Variants in OLFM4 observed in about 807,000 individuals in gnomAD.
OLFM4 encodes olfactomedin-4.
A neutral mutation model predicts 25.5 loss-of-function variants in OLFM4; 22 were observed. The observed-to-expected ratio is 0.86, with a 90% CI of 0.62 to 1.23. The LOEUF is 1.23. OLFM4 is among the 50% of genes most tolerant of loss of function. OLFM4 has a pLI of 0.00. For missense variants in OLFM4, 594 were observed against 619.4 expected (o/e 0.96, Z 0.44); for synonymous variants, 255 against 237.7 (o/e 1.07, Z -0.67).
Position 53,031,753 on chromosome 13 carries a change from TA to T in OLFM4, c.205-2592del, listed in dbSNP as rs57549452. On this transcript the variant is annotated intron_variant, in intron 1 of 4. Transcript: ENST00000219022. ...GAACCTGGCATAGTGTAGACATCAG[TA>T]AATGTTAATTGAACACGTGCTTAGG... Among the ~76,000 whole-genome samples the T allele has an allele frequency of 3.6e-3, 547 of 152,284 alleles. 1 individual carries two copies. The highest frequency in any genetic ancestry group is 0.012 in the African/African-American group (499 of 41,554).
At chr13:53,043,383 T>TG in intron 4 of OLFM4, 119 bp downstream of exon 4, 1 of 825,136 alleles carries the variant, frequency 1.2e-6, no homozygotes, top group Non-Finnish European at 1.7e-6. Flanking sequence ...TTTTTTTTTT[T>TG]TTTTTTCAGT....
intron 1 of OLFM4, 99 bp downstream of exon 1, chr13:53,029,139 C>T (rs1393939018): frequency 6.6e-7 from 1 of 1,522,256 alleles, no homozygotes; most frequent in Non-Finnish European, 8.8e-7. Flanking sequence ...CCTGGGCACT[C>T]TAAAAGATTT....
chr13:53,031,010 T>C (rs1355479553), intron 1 of OLFM4, among the ~76,000 whole-genome samples: 1 of 152,196 alleles, frequency 6.6e-6, no homozygotes, highest in Non-Finnish European at 1.5e-5. Flanking sequence ...AACCAGCATT[T>C]GGGTAAGATT....
chr13:53,035,898 A>G (rs1362107824), intron 2 of OLFM4, among the ~76,000 whole-genome samples: 1 of 152,222 alleles, frequency 6.6e-6, no homozygotes, highest in Non-Finnish European at 1.5e-5. Flanking sequence ...TTAAAAATCA[A>G]TTAGAAAAGT....
rs1954738278 is a variant in OLFM4 at position 53,050,123 on chromosome 13, A to G, written c.885A>G (p.Thr295=). Residue 295 remains threonine (T), a synonymous_variant, in exon 5 of 5, where the codon ACA becomes ACG. Coordinates refer to ENST00000219022, the MANE Select transcript of OLFM4 (RefSeq NM_006418.5). ...TGTATTGGGTGGCGCCATTGAATAC[A>G]GATGGGAGACTGTTGGAGTATTATA... The part of the protein sequence containing the change: ...KGLYWVAPLN[T]DGRLLEYYRL... 3.7e-6 allele frequency: 6 copies of G among 1,613,942 alleles called. No homozygotes were observed. Among genetic ancestry groups the G allele is most frequent in the Non-Finnish European group, 5.1e-6 (6 of 1,179,962 alleles).
chr13:53,035,030 G>T (rs1298270846), intron 2 of OLFM4, among the ~76,000 whole-genome samples: 1 of 149,754 alleles, frequency 6.7e-6, no homozygotes, highest in Non-Finnish European at 1.5e-5. Context: ...TCCTTTCCTG[G>T]TTAATTCTTT....
At chr13:53,040,668 A>G (rs1954682268) in intron 2 of OLFM4, among the ~76,000 whole-genome samples, 1 of 152,208 alleles carries the variant, frequency 6.6e-6, no homozygotes, top group Non-Finnish European at 1.5e-5. Flanking sequence ...TGAAGAAGCC[A>G]GGGATGCTGC....
rs1469464765 is a variant in OLFM4 at position 53,051,761 on chromosome 13, T to A, written c.*990T>A. Reference sequence around the variant, plus strand: ...AGCATATGTGCAACTTATGAGTGTATCAGTTGTTGCATGTAATTTTTGCCT... The same window carrying A: ...AGCATATGTGCAACTTATGAGTGTAACAGTTGTTGCATGTAATTTTTGCCT... On this transcript the variant is annotated 3_prime_UTR_variant, in exon 5 of 5. Transcript: ENST00000219022. 2.6e-5 allele frequency: 4 copies of A among 152,208 alleles called. No homozygotes were observed. The highest frequency in any genetic ancestry group is 1.5e-5 in the Non-Finnish European group (1 of 68,036). 9.4% of individuals were successfully genotyped at this position (152,208 alleles called of 1,614,324 possible).
intron 1 of OLFM4, among the ~76,000 whole-genome samples, chr13:53,031,408 G>A (rs543919245): frequency 2.0e-5 from 3 of 152,238 alleles, no homozygotes; most frequent in African/African-American, 7.2e-5. Flanking sequence ...ACTTAGCCTT[G>A]GCTACTAATT....
At chr13:53,032,617 A>G (rs1355668075) in intron 1 of OLFM4, among the ~76,000 whole-genome samples, 2 of 151,402 alleles carry the variant, frequency 1.3e-5, no homozygotes, top group African/African-American at 4.9e-5. Flanking sequence ...TCTCCTCCCT[A>G]CTCCTGAACT....
At chr13:53,031,082 T>C (rs1954626754) in intron 1 of OLFM4, among the ~76,000 whole-genome samples, 2 of 152,230 alleles carry the variant, frequency 1.3e-5, no homozygotes, top group African/African-American at 4.8e-5. Flanking sequence ...AGAATGCCTA[T>C]TGTCTGGTAA....
chr13:53,034,908 T>C (rs539348281), intron 2 of OLFM4, among the ~76,000 whole-genome samples: 13 of 152,174 alleles, frequency 8.5e-5, no homozygotes, highest in Non-Finnish European at 1.9e-4. Flanking sequence ...TTCTATTCTA[T>C]CTCCCTTCTC....
At chr13:53,043,381 T>G (rs75932470) in intron 4 of OLFM4, 117 bp downstream of exon 4, 1 of 889,040 alleles carries the variant, frequency 1.1e-6, no homozygotes, top group Non-Finnish European at 1.6e-6. Context: ...GTTTTTTTTT[T>G]TTTTTTTTCA....
At chr13:53,040,378 C>T (rs905074624) in intron 2 of OLFM4, among the ~76,000 whole-genome samples, 2 of 152,224 alleles carry the variant, frequency 1.3e-5, no homozygotes, top group Non-Finnish European at 2.9e-5. Flanking sequence ...GTGTACTCTA[C>T]AGGGCACACA....
rs5803627 is a variant in OLFM4 at position 53,032,724 on chromosome 13, A to ATT, written c.205-1615_205-1614dup. 1.9e-4 allele frequency among the ~76,000 whole-genome samples: 28 copies of ATT among 150,778 alleles called. No homozygotes were observed. The East Asian group carries it at 1.9e-3, about 10-fold the overall frequency. Reference sequence around the variant, plus strand: ...AAAATATGATTGGATACACACACATATTTTTTTTTTCTGCTCATCTTGAAA... The same window carrying ATT: ...AAAATATGATTGGATACACACACATATTTTTTTTTTTTCTGCTCATCTTGAAA... On this transcript the variant is annotated intron_variant, in intron 1 of 4. Coordinates refer to ENST00000219022, the MANE Select transcript of OLFM4 (RefSeq NM_006418.5).
rs1322055062 is a variant in OLFM4 at position 53,050,801 on chromosome 13, ATGTTTGTTG to A, written c.*31_*39del. ...TTTAGGAGTTAGGGTGAAAGAGAAA[ATGTTTGTTG>A]AAAAAATAGTCTTCTCCACTTACTT... On this transcript the variant is annotated 3_prime_UTR_variant, in exon 5 of 5. Transcript: ENST00000219022. 1.3e-6 allele frequency: 2 copies of A among 1,527,676 alleles called. No individual in the cohort carries two copies. Among genetic ancestry groups the A allele is most frequent in the Admixed American group, 2.2e-5 (1 of 45,500 alleles). 94.6% of individuals were successfully genotyped at this position (1,527,676 alleles called of 1,614,324 possible). A position where few individuals can be genotyped will look rare whatever the true frequency, so the allele number is the denominator to read the frequency against.
At position 53,029,060 on chromosome 13, in the gene OLFM4, T is replaced by G; in HGVS notation, c.204+20T>G. 1 of 1,613,124 alleles carries G rather than the reference T, an allele frequency of 6.2e-7. No individual in the cohort carries two copies. The highest frequency in any genetic ancestry group is 8.5e-7 in the Non-Finnish European group (1 of 1,179,960). Reference sequence around the variant, plus strand: ...TCCCAGGTGAGGAGGCCCCAGAATCTGAATGAGCTGCATTCATTCCCTTCC... The same window carrying G: ...TCCCAGGTGAGGAGGCCCCAGAATCGGAATGAGCTGCATTCATTCCCTTCC... On this transcript the variant is annotated intron_variant, in intron 1 of 4. Coordinates refer to ENST00000219022, the MANE Select transcript of OLFM4 (RefSeq NM_006418.5).
chr13:53,049,442 A>G (rs1954732708), intron 4 of OLFM4, among the ~76,000 whole-genome samples: 1 of 152,078 alleles, frequency 6.6e-6, no homozygotes, highest in Non-Finnish European at 1.5e-5. Context: ...GGAAGGGGAG[A>G]GTGAGGAAGG....
At chr13:53,029,370 A>G (rs191324977) in intron 1 of OLFM4, among the ~76,000 whole-genome samples, 618 of 152,258 alleles carry the variant, frequency 4.1e-3, no homozygotes, top group Admixed American at 7.3e-3. Flanking sequence ...AAAAAATCCT[A>G]CATAGATGTA....
Sources: allele counts gnomAD v4.1 joint callset (sites outside exome capture counted in the v4.1 genomes callset), GRCh38; gene constraint gnomAD v4.1.1; transcripts MANE v1.5; gene names NCBI Gene and HGNC (gene_info 2026-07-23, HGNC 2026-07-21).